Variants in MGAT4A observed in about 807,000 individuals in gnomAD.
MGAT4A encodes the protein N-acetylglucosaminyltransferase IVa.
MGAT4A carries 33 observed loss-of-function variants against 74.1 expected under a neutral mutation model. The observed-to-expected ratio is 0.45, with a 90% CI of 0.34 to 0.60. The LOEUF (loss-of-function observed/expected upper bound fraction) is 0.60. Ranked by LOEUF, MGAT4A falls within the 20% of genes least tolerant of loss-of-function variation. The probability of loss-of-function intolerance (pLI) is 0.02; values close to 1 mark genes in which losing one functional copy is unlikely to be tolerated. For synonymous variants in MGAT4A, 198 were observed against 210.4 expected, an observed-to-expected ratio of 0.94 and a Z score of 0.51; for missense variants, 479 against 628.3, an observed-to-expected ratio of 0.76 and a Z score of 2.54.
chr2:98,646,916 T>C (rs927405315), intron 8 of MGAT4A, among the ~76,000 whole-genome samples: 3 of 152,202 alleles, frequency 2.0e-5, no homozygotes, highest in African/African-American at 4.8e-5. Context: ...GGTAACATAA[T>C]GATACTTTAA....
At chr2:98,709,898 A>G (rs1702493498) in intron 2 of MGAT4A, among the ~76,000 whole-genome samples, 2 of 152,218 alleles carry the variant, frequency 1.3e-5, no homozygotes, top group African/African-American at 4.8e-5. Flanking sequence ...AATTCAGGCT[A>G]CCCAGTTTCC....
Position 98,675,111 on chromosome 2 carries a change from A to C in MGAT4A, c.327T>G (p.Tyr109Ter), listed in dbSNP as rs1389800242. The change falls in exon 4 of 16, where the codon TAT (tyrosine) becomes TAG (stop). Residue 109 changes from tyrosine (Y) to a stop codon, truncating the protein, a stop_gained. Coordinates refer to ENST00000393487, the MANE Select transcript of MGAT4A (RefSeq NM_012214.3). LOFTEE classifies it high-confidence loss of function. Reference protein sequence around the residue: ...SKKSLQVPSIYYHLPHLLKNE... With the variant: ...SKKSLQVPSI ...TTTTCAATAAATGAGGCAAATGATA[A>C]TAAATACTTGGCACTTGAAGAGATT... is the stretch of plus-strand genomic sequence containing the variant. 1 of 1,613,104 alleles carries C rather than the reference A, an allele frequency of 6.2e-7. No individual in the cohort carries two copies. Among genetic ancestry groups the C allele is most frequent in the Admixed American group, 1.7e-5 (1 of 59,830 alleles).
intron 2 of MGAT4A, among the ~76,000 whole-genome samples, chr2:98,688,382 A>C (rs552550156): frequency 6.6e-6 from 1 of 152,308 alleles, no homozygotes; most frequent in Non-Finnish European, 1.5e-5. Context: ...TGGTATTCAC[A>C]GACTTCCACA....
intron 2 of MGAT4A, among the ~76,000 whole-genome samples, chr2:98,721,054 A>G (rs544238605): frequency 6.6e-6 from 1 of 152,348 alleles, no homozygotes; most frequent in South Asian, 2.1e-4. Context: ...GAAAAATGAC[A>G]TTACTTACAA....
chr2:98,663,245 T>C, intron 4 of MGAT4A, 66 bp from the exon 5 acceptor site: 1 of 1,521,594 alleles, frequency 6.6e-7, no homozygotes, highest in East Asian at 2.3e-5. Flanking sequence ...ACACTTCTAT[T>C]TCAAAAGTAT....
Position 98,625,057 on chromosome 2 carries a change from A to G in MGAT4A, c.*509T>C, listed in dbSNP as rs1047367094. 4 of 980,472 alleles carry G rather than the reference A, an allele frequency of 4.1e-6. No individual in the cohort carries two copies. The African/African-American group carries it at 7.0e-5, about 17-fold the overall frequency. 60.7% of individuals were successfully genotyped at this position (980,472 alleles called of 1,614,324 possible). A position where few individuals can be genotyped will look rare whatever the true frequency, so the allele number is the denominator to read the frequency against. On this transcript the variant is annotated 3_prime_UTR_variant, in exon 16 of 16. Coordinates refer to ENST00000393487, the MANE Select transcript of MGAT4A (RefSeq NM_012214.3). ...AAAGCAAGGAAACTGGTTTTCAAAA[A>G]AAGTATCGATTCAAAAATCTACTGC...
At chr2:98,681,733 A>T (rs1702062864) in intron 2 of MGAT4A, among the ~76,000 whole-genome samples, 1 of 152,108 alleles carries the variant, frequency 6.6e-6, no homozygotes, top group Non-Finnish European at 1.5e-5. Flanking sequence ...TGGCGAGAGG[A>T]TCACTGGAGC....
At chr2:98,725,601 C>T (rs1702750037) in intron 2 of MGAT4A, among the ~76,000 whole-genome samples, 1 of 145,814 alleles carries the variant, frequency 6.9e-6, no homozygotes, top group Admixed American at 6.8e-5. Context: ...TAGGAATTTA[C>T]TTCAAGTAGT....
Position 98,621,506 on chromosome 2 carries a change from CTT to C in MGAT4A, c.*4058_*4059del. 90 of 1,551,626 alleles carry C rather than the reference CTT, an allele frequency of 5.8e-5. No homozygotes were observed. Among genetic ancestry groups the C allele is most frequent in the Non-Finnish European group, 7.6e-5 (87 of 1,146,966 alleles). On this transcript the variant is annotated 3_prime_UTR_variant, in exon 16 of 16. Transcript: ENST00000393487. ...GCCACCAGCCCGAGAAAACTCTCTGCTTTTAAAGGAGTCACAAGATTTGATTA... is the reference window on the plus strand; with the variant it reads ...GCCACCAGCCCGAGAAAACTCTCTGCTTAAAGGAGTCACAAGATTTGATTA...
chr2:98,720,701 A>C (rs1382982669), intron 2 of MGAT4A, among the ~76,000 whole-genome samples: 8 of 152,154 alleles, frequency 5.3e-5, no homozygotes, highest in Non-Finnish European at 7.4e-5. Flanking sequence ...AGATTTGTAC[A>C]CAATGGAGAA....
chr2:98,708,479 A>G (rs1195664588), intron 2 of MGAT4A, among the ~76,000 whole-genome samples: 2 of 152,184 alleles, frequency 1.3e-5, no homozygotes, highest in Non-Finnish European at 2.9e-5. Flanking sequence ...TCTAGAAAAA[A>G]AAAGTTATAC....
rs1463833104 is a variant in MGAT4A, at chr2:98,620,994, T to C, written c.*4572A>G. 6.5e-6 allele frequency: 1 copy of C among 153,610 alleles called. No individual in the cohort carries two copies. The highest frequency in any genetic ancestry group is 1.4e-5 in the Non-Finnish European group (1 of 69,034). The allele number at this position is 153,610 out of a possible 1,614,324, so 9.5% of individuals were successfully genotyped here. Reference sequence around the variant, plus strand: ...CCCCAACAAGGTCCAGGTACATGACTTGCTACTAAAGACTTTATTCATGCA... The same window carrying C: ...CCCCAACAAGGTCCAGGTACATGACCTGCTACTAAAGACTTTATTCATGCA... On this transcript the variant is annotated 3_prime_UTR_variant, in exon 16 of 16. Transcript: ENST00000393487.
At chr2:98,708,204 G>C (rs1212322198) in intron 2 of MGAT4A, among the ~76,000 whole-genome samples, 1 of 151,876 alleles carries the variant, frequency 6.6e-6, no homozygotes, top group Non-Finnish European at 1.5e-5. Context: ...CTGGTCTTAT[G>C]GGATCCTCCC....
At position 98,726,489 on chromosome 2, in the gene MGAT4A, T is replaced by C. The variant is rs1702764300; in HGVS notation, c.-157A>G. On this transcript the variant is annotated 5_prime_UTR_variant, in exon 2 of 16. Transcript: ENST00000393487. The stretch of plus-strand genomic sequence containing the variant: ...TTTCAGATGATCTGCAGGAGGAGCC[T>C]AGCAGCAATGCTGTTCACAACTGTA... The C allele has an allele frequency of 1.7e-6, 1 of 579,840 alleles. No individual in the cohort carries two copies. Among genetic ancestry groups the C allele is most frequent in the Non-Finnish European group, 3.0e-6 (1 of 328,682 alleles). 35.9% of individuals were successfully genotyped at this position (579,840 alleles called of 1,614,324 possible). A position where few individuals can be genotyped will look rare whatever the true frequency, so the allele number is the denominator to read the frequency against.
At chr2:98,686,729 T>C (rs903156958) in intron 2 of MGAT4A, among the ~76,000 whole-genome samples, 5 of 152,212 alleles carry the variant, frequency 3.3e-5, no homozygotes, top group South Asian at 2.1e-4. Context: ...TGTATTTCAG[T>C]AGAGATGGGA....
At chr2:98,711,798 C>T (rs1173310460) in intron 2 of MGAT4A, among the ~76,000 whole-genome samples, 2 of 152,130 alleles carry the variant, frequency 1.3e-5, no homozygotes, top group Admixed American at 6.6e-5. Flanking sequence ...CCATCACACT[C>T]GGCTAATTTT....
chr2:98,697,310 A>G (rs1417836911), intron 2 of MGAT4A, among the ~76,000 whole-genome samples: 2 of 152,214 alleles, frequency 1.3e-5, no homozygotes, highest in African/African-American at 2.4e-5. Context: ...CACACACTGT[A>G]TGACTCCATT....
rs377362202 is a variant in MGAT4A at position 98,622,795 on chromosome 2, C to A, written c.*2771G>T. 3.0e-6 allele frequency: 3 copies of A among 985,476 alleles called. No individual in the cohort carries two copies. Among genetic ancestry groups the A allele is most frequent in the African/African-American group, 3.5e-5 (2 of 57,228 alleles). The allele number at this position is 985,476 out of a possible 1,614,324, so 61.0% of individuals were successfully genotyped here. A position where few individuals can be genotyped will look rare whatever the true frequency, so the allele number is the denominator to read the frequency against. On this transcript the variant is annotated 3_prime_UTR_variant, in exon 16 of 16. Coordinates refer to ENST00000393487, the MANE Select transcript of MGAT4A (RefSeq NM_012214.3). Reference sequence around the variant, plus strand: ...AGCACACACCATACACACAAACAATCAAAAACTAGACAACCGATTGTGTAT... The same window carrying A: ...AGCACACACCATACACACAAACAATAAAAAACTAGACAACCGATTGTGTAT...
chr2:98,682,857 G>A (rs1451389544), intron 2 of MGAT4A, among the ~76,000 whole-genome samples: 1 of 152,020 alleles, frequency 6.6e-6, no homozygotes, highest in Non-Finnish European at 1.5e-5. Context: ...GAGCTGAGGC[G>A]GGTGGATCAC....
Sources: gnomAD v4.1 joint callset for allele counts (sites outside exome capture counted in the v4.1 genomes callset) on GRCh38, gnomAD v4.1.1 for gene constraint, MANE v1.5 for transcripts, NCBI Gene and HGNC (gene_info 2026-07-23, HGNC 2026-07-21) for gene names.